WAC: variants seen among roughly 807,000 people sequenced by gnomAD.
WAC encodes WW domain containing adaptor with coiled-coil.
A neutral mutation model predicts 79.6 loss-of-function variants in WAC; 11 were observed. The ratio of observed to expected loss-of-function variants is 0.14; its 90% CI spans 0.09 to 0.23. The LOEUF (loss-of-function observed/expected upper bound fraction) is 0.23. WAC is among the 10% of genes least tolerant of loss of function. WAC has a pLI of 1.00. For synonymous variants in WAC, 304 were observed against 276.9 expected (o/e 1.10, Z -0.97); for missense variants, 728 against 773.5 (o/e 0.94, Z 0.70).
chr10:28,563,643 G>A (rs762825363), intron 3 of WAC, among the ~76,000 whole-genome samples: 4 of 150,426 alleles, frequency 2.7e-5, no homozygotes, highest in African/African-American at 4.9e-5. Context: ...GCAGTGGCGC[G>A]ATCTCCGCTC....
intron 3 of WAC, among the ~76,000 whole-genome samples, chr10:28,565,540 GCT>G (rs1469671330): frequency 6.6e-6 from 1 of 152,026 alleles, no homozygotes; most frequent in Non-Finnish European, 1.5e-5. Flanking sequence ...ACCCAGCTCT[GCT>G]TAATGTTCTA....
chr10:28,618,535 C>T (rs1290672381), intron 13 of WAC, among the ~76,000 whole-genome samples: 1 of 152,198 alleles, frequency 6.6e-6, no homozygotes, highest in East Asian at 1.9e-4. Context: ...GTAGTTCTAA[C>T]AAACTTCATT....
chr10:28,611,491 C>T, intron 9 of WAC: 3 of 1,370,728 alleles, frequency 2.2e-6, no homozygotes, highest in Non-Finnish European at 2.9e-6. Context: ...GGTGAGGAGG[C>T]CTTCCATGTG....
intron 11 of WAC, chr10:28,615,088 C>T (rs1378643781): frequency 6.0e-6 from 1 of 166,740 alleles, no homozygotes; most frequent in Non-Finnish European, 1.3e-5. Context: ...CCAATGTTTC[C>T]CAACTGGTAT....
Position 28,616,090 on chromosome 10 carries a change from A to C in WAC, c.1557-83A>C, listed in dbSNP as rs547989713. The C allele has an allele frequency of 5.9e-4, 655 of 1,116,830 alleles. 5 individuals are homozygous for C. Among genetic ancestry groups the C allele is most frequent in the South Asian group, 4.1e-3 (198 of 47,730 alleles). 69.2% of individuals were successfully genotyped at this position (1,116,830 alleles called of 1,614,324 possible). On this transcript the variant is annotated intron_variant, in intron 11 of 13. Coordinates refer to ENST00000354911, the MANE Select transcript of WAC (RefSeq NM_016628.5). ...GAATTTGGATATCTTTAAGTTAATA[A>C]AAGGTATTAACATGCAGTTTCTAGG...
In WAC at chr10:28,596,012, C is replaced by T; in HGVS notation, c.890C>T (p.Ser297Phe). The stretch of plus-strand genomic sequence containing the variant: ...TCAAAACTGCCTACACCCACATCTT[C>T]TGTCCCTGCACAGAAAACAGAAAGA... ...TLSKLPTPTSSVPAQKTERKE... is the reference protein window; with the variant it reads ...TLSKLPTPTSFVPAQKTERKE... Residue 297 changes from serine (S) to phenylalanine (F), a missense_variant, in exon 7 of 14, where the codon TCT (serine) becomes TTT (phenylalanine). By Grantham distance (155) the Ser-to-Phe change is radical (BLOSUM62 -2). Around this residue, in one of 3 missense-constraint regions of WAC, gnomAD observed 648 missense variants for 661.5 expected, o/e 0.98. Transcript: ENST00000354911. 6.2e-7 allele frequency: 1 copy of T among 1,614,116 alleles called. No homozygotes were observed.
intron 3 of WAC, among the ~76,000 whole-genome samples, chr10:28,563,124 C>T (rs970567805): frequency 3.9e-5 from 6 of 151,982 alleles, no homozygotes; most frequent in Non-Finnish European, 7.4e-5. Context: ...AGGGTGGTCT[C>T]GAACTCCTGA....
At chr10:28,575,868 T>C (rs1034836321) in intron 3 of WAC, among the ~76,000 whole-genome samples, 2 of 152,244 alleles carry the variant, frequency 1.3e-5, no homozygotes, top group African/African-American at 4.8e-5. Flanking sequence ...TTTCCATAAA[T>C]GAAGTACTGT....
At chr10:28,534,921 T>C (rs1836550661) in intron 2 of WAC, among the ~76,000 whole-genome samples, 1 of 152,210 alleles carries the variant, frequency 6.6e-6, no homozygotes, top group Non-Finnish European at 1.5e-5. Flanking sequence ...TACATCATGA[T>C]TGTCTTAAGA....
At chr10:28,610,623 C>T in intron 8 of WAC, 76 bp from the exon 9 acceptor site, 1 of 1,439,016 alleles carries the variant, frequency 6.9e-7, no homozygotes, top group Non-Finnish European at 9.2e-7. Context: ...TGTGAGTTCT[C>T]TTCCTTGTCA....
intron 2 of WAC, 83 bp from the exon 3 acceptor site, chr10:28,535,479 A>G: frequency 7.0e-7 from 1 of 1,420,454 alleles, no homozygotes; most frequent in Non-Finnish European, 9.4e-7. Flanking sequence ...ATTTAATGAT[A>G]ATACACCAAA....
chr10:28,575,976 A>G (rs1839225332), intron 3 of WAC, among the ~76,000 whole-genome samples: 1 of 152,218 alleles, frequency 6.6e-6, no homozygotes, highest in Non-Finnish European at 1.5e-5. Context: ...ATAGTTGCCT[A>G]CAGTCTTCAG....
chr10:28,548,528 A>G (rs1837490174), intron 3 of WAC, among the ~76,000 whole-genome samples: 1 of 152,092 alleles, frequency 6.6e-6, no homozygotes, highest in Non-Finnish European at 1.5e-5. Context: ...TCATCCACCT[A>G]TTCCAAGTTT....
rs1044709892 is a variant in WAC at position 28,533,203 on chromosome 10, CCAGGCGGCGGCAGCA to C, written c.-376_-362del. The stretch of plus-strand genomic sequence containing the variant: ...GGGAGGAGGAGGAGGAGAAGAAGGA[CCAGGCGGCGGCAGCA>C]GCGGCGGCGGCGGGGGGAGGAGGGG... On this transcript the variant is annotated 5_prime_UTR_variant, in exon 1 of 14. Transcript: ENST00000354911. 1.8e-5 allele frequency: 3 copies of C among 167,212 alleles called. No individual in the cohort carries two copies. Among genetic ancestry groups the C allele is most frequent in the Admixed American group, 1.3e-4 (2 of 15,332 alleles). 10.4% of individuals were successfully genotyped at this position (167,212 alleles called of 1,614,324 possible).
chr10:28,604,446 A>T (rs930638716), intron 7 of WAC, among the ~76,000 whole-genome samples: 2 of 148,096 alleles, frequency 1.4e-5, no homozygotes, highest in African/African-American at 4.9e-5. Context: ...GAAAAGTACA[A>T]CAAGGCCCGG....
At chr10:28,535,811 A>G (rs1419922805) in intron 3 of WAC, 54 bp downstream of exon 3, 3 of 1,439,796 alleles carry the variant, frequency 2.1e-6, no homozygotes, top group Middle Eastern at 1.8e-4. Context: ...ATAGCTCTAT[A>G]TAAAAGGCGG....
rs1166896911 is a variant in WAC, at chr10:28,566,932, TC to T, written c.275-16463del. 3.3e-5 allele frequency among the ~76,000 whole-genome samples: 5 copies of T among 150,216 alleles called. No homozygotes were observed. The East Asian group carries it at 9.8e-4, about 29-fold the overall frequency. On this transcript the variant is annotated intron_variant, in intron 3 of 13. Transcript: ENST00000354911. Reference sequence around the variant, plus strand: ...ATTTCAGGGAAGTTTTGTTTTATTATCCCCTTGAATGTCCTCCCTGTTTTTT... The same window carrying T: ...ATTTCAGGGAAGTTTTGTTTTATTATCCCTTGAATGTCCTCCCTGTTTTTT...
At position 28,619,540 on chromosome 10, in the gene WAC, A is replaced by G. The variant is rs1191031169; in HGVS notation, c.1878A>G (p.Ile626Met). The change falls in exon 14 of 14, where the codon ATA (isoleucine) becomes ATG (methionine). Residue 626 changes from isoleucine (I) to methionine (M), a missense_variant. Physicochemically the swap from Ile to Met is conservative, Grantham distance 10. Around this residue, in one of 3 missense-constraint regions of WAC, gnomAD observed 66 missense variants for 78.9 expected, o/e 0.84. Transcript: ENST00000354911. ...AATGTCTGCTTTTTTTTTTCAGGATACTATTTTTGAGACAACAAATTAAGG... is the reference window on the plus strand; with the variant it reads ...AATGTCTGCTTTTTTTTTTCAGGATGCTATTTTTGAGACAACAAATTAAGG... ...EIQATLREQR[I>M]LFLRQQIKEL... 3 of 1,574,030 alleles carry G rather than the reference A, an allele frequency of 1.9e-6. No homozygotes were observed. Among genetic ancestry groups the G allele is most frequent in the Non-Finnish European group, 2.6e-6 (3 of 1,168,044 alleles).
rs138211120 is a variant in WAC at position 28,618,493 on chromosome 10, A to G, written c.1874+709A>G. On this transcript the variant is annotated intron_variant, in intron 13 of 13. Transcript: ENST00000354911. ...ATCTGGAGGTACTCTCTGAGTAACA[A>G]CTTGGGTTCTTATAGTCAGATTGCT... 5.3e-5 allele frequency among the ~76,000 whole-genome samples: 8 copies of G among 152,366 alleles called. No individual in the cohort carries two copies. The East Asian group carries it at 9.6e-4, about 18-fold the overall frequency.
Sources: gnomAD v4.1 joint callset for allele counts (sites outside exome capture counted in the v4.1 genomes callset) on GRCh38, gnomAD v4.1.1 for gene constraint, gnomAD v4.1.1 regional missense constraint, MANE v1.5 for transcripts, NCBI Gene and HGNC (gene_info 2026-07-23, HGNC 2026-07-21) for gene names.